The following DPP6 variants were observed in gnomAD, a reference collection of about 807,000 sequenced individuals.
DPP6 encodes the protein dipeptidyl peptidase like 6.
A neutral mutation model predicts 122.6 loss-of-function variants in DPP6; 69 were observed. The ratio of observed to expected loss-of-function variants is 0.56; its 90% CI spans 0.46 to 0.69. The LOEUF is 0.69. DPP6 is among the 30% of genes least tolerant of loss of function. DPP6 has a pLI of 0.00. For missense variants in DPP6, 928 were observed against 1,116.9 expected (o/e 0.83, Z 2.41); for synonymous variants, 418 against 433.1 (o/e 0.97, Z 0.43).
chr7:154,748,035 G>T (rs1386677299), intron 8 of DPP6, among the ~76,000 whole-genome samples: 1 of 152,260 alleles, frequency 6.6e-6, no homozygotes, highest in Non-Finnish European at 1.5e-5. Flanking sequence ...ACATCAGTTT[G>T]GTTTGCTTAC....
intron 10 of DPP6, among the ~76,000 whole-genome samples, chr7:154,782,150 G>T (rs1044343103): frequency 6.6e-6 from 1 of 152,100 alleles, no homozygotes; most frequent in Non-Finnish European, 1.5e-5. Flanking sequence ...ACCTAGAACC[G>T]TGTCTCCCAC....
At chr7:153,836,941 G>A in the DPP6 span, among the ~76,000 whole-genome samples, 40 of 152,174 alleles carry the variant, frequency 2.6e-4, no homozygotes, top group Non-Finnish European at 5.1e-4. Flanking sequence ...GCTCATAAGA[G>A]AGTGGCTGCT....
chr7:153,855,782 G>A, the DPP6 span, among the ~76,000 whole-genome samples: 8 of 152,146 alleles, frequency 5.3e-5, no homozygotes, highest in East Asian at 9.7e-4. Context: ...TGAGAGCTTA[G>A]AGTCTTCAGT....
intron 6 of DPP6, among the ~76,000 whole-genome samples, chr7:154,646,487 C>T (rs1836490829): frequency 6.7e-6 from 1 of 150,242 alleles, no homozygotes; most frequent in Non-Finnish European, 1.5e-5. Context: ...ATCCTTCTGA[C>T]CCTTCAAGCC....
At chr7:154,407,786 T>C (rs1816246558) in intron 1 of DPP6, among the ~76,000 whole-genome samples, 1 of 152,198 alleles carries the variant, frequency 6.6e-6, no homozygotes, top group African/African-American at 2.4e-5. Flanking sequence ...CAGCACTTCC[T>C]AATATACCGT....
intron 1 of DPP6, among the ~76,000 whole-genome samples, chr7:154,108,546 G>A (rs1352146302): frequency 2.0e-5 from 3 of 152,130 alleles, no homozygotes; most frequent in Non-Finnish European, 2.9e-5. Flanking sequence ...TGCCCCATGC[G>A]GTGCCTAGCA....
Position 154,052,859 on chromosome 7 carries a change from C to G in DPP6, c.39C>G (p.Asn13Lys). 6.5e-7 allele frequency: 1 copy of G among 1,539,268 alleles called. No individual in the cohort carries two copies. The highest frequency in any genetic ancestry group is 1.4e-5 in the African/African-American group (1 of 72,660). ...ACCAGAGGTTCACTGGCAAGATCAA[C>G]ACCTCGAGGTCCTTCCCCGCGCCCC... ...SLYQRFTGKI[N>K]TSRSFPAPPE... is the part of the protein sequence containing the mutation. Residue 13 changes from asparagine to lysine, a missense_variant, in exon 1 of 26, where the codon AAC (asparagine) becomes AAG (lysine). Coordinates refer to ENST00000377770, the MANE Select transcript of DPP6 (RefSeq NM_130797.4). This position sits in a 1 kb window ranked among gnomAD's most constrained non-coding sequence, Gnocchi z 4.8.
intron 3 of DPP6, among the ~76,000 whole-genome samples, chr7:154,477,671 T>C (rs10235541): frequency 0.38 from 57,115 of 152,078 alleles, 11,442 homozygotes; most frequent in African/African-American, 0.49. Flanking sequence ...ACTGGCTTTC[T>C]GGCCAGAGGA....
intron 17 of DPP6, among the ~76,000 whole-genome samples, chr7:154,855,038 G>A (rs1222285282): frequency 1.3e-5 from 2 of 152,014 alleles, no homozygotes; most frequent in African/African-American, 2.4e-5. Flanking sequence ...GAGCATCAGC[G>A]GCTCCCTGAT....
At chr7:154,812,391 A>G (rs1357395295) in intron 16 of DPP6, among the ~76,000 whole-genome samples, 3 of 152,188 alleles carry the variant, frequency 2.0e-5, no homozygotes, top group East Asian at 1.9e-4. Flanking sequence ...TTGGGCTGCT[A>G]TAGTGAAGTT....
In DPP6 at chr7:154,821,645, T is replaced by TATATATATATATAC. The variant is rs1362252192; in HGVS notation, c.1666+14534_1666+14535insTATATATATATACA. On this transcript the variant is annotated intron_variant, in intron 16 of 25. Coordinates refer to ENST00000377770, the MANE Select transcript of DPP6 (RefSeq NM_130797.4). This position sits in a 1 kb window ranked among gnomAD's most constrained non-coding sequence, Gnocchi z 4.2. ...TTTTTTCTGTATATATATATATATA[T>TATATATATATATAC]ACACATATATATATATATACACATA... Among the ~76,000 whole-genome samples, 275 of 115,148 alleles carry TATATATATATATAC rather than the reference T, an allele frequency of 2.4e-3. 2 individuals carry two copies. Among genetic ancestry groups the TATATATATATATAC allele is most frequent in the African/African-American group, 1.0e-2 (261 of 26,146 alleles). 75.5% of individuals were successfully genotyped at this position (115,148 alleles called of 152,430 possible).
At chr7:154,058,992 C>T (rs1166427213) in intron 1 of DPP6, 1 of 147,914 alleles carries the variant, frequency 6.8e-6, no homozygotes, top group Non-Finnish European at 1.5e-5. Flanking sequence ...GAGCCAGCCT[C>T]TGTTCCCCCA....
chr7:154,473,477 G>C (rs1822467359), intron 2 of DPP6, among the ~76,000 whole-genome samples: 1 of 152,152 alleles, frequency 6.6e-6, no homozygotes, highest in Non-Finnish European at 1.5e-5. Context: ...TGATATTCAA[G>C]AGATCAGTCA....
chr7:153,780,378 C>T, the DPP6 span, among the ~76,000 whole-genome samples: 4 of 151,984 alleles, frequency 2.6e-5, no homozygotes, highest in African/African-American at 9.7e-5. Flanking sequence ...AAAAACAAAT[C>T]GAATGGTTCC....
chr7:154,415,058 T>C (rs1029053158), intron 1 of DPP6, among the ~76,000 whole-genome samples: 5 of 152,198 alleles, frequency 3.3e-5, no homozygotes, highest in Non-Finnish European at 5.9e-5. Context: ...AAGCTCACCC[T>C]GGCCCATCTC....
chr7:154,885,197 A>C (rs1806043804), intron 21 of DPP6: 1 of 171,108 alleles, frequency 5.8e-6, no homozygotes, highest in African/African-American at 2.4e-5. Flanking sequence ...TGTGCTGAGC[A>C]TGTGCAGACC....
chr7:154,858,739 G>A lies in DPP6; in HGVS notation c.1714+4912G>A, dbSNP rs142341524. Among the ~76,000 whole-genome samples the A allele has an allele frequency of 3.2e-3, 489 of 152,330 alleles. 4 individuals are homozygous for A. Among genetic ancestry groups the A allele is most frequent in the African/African-American group, 0.011 (452 of 41,582 alleles). On this transcript the variant is annotated intron_variant, in intron 17 of 25. Transcript: ENST00000377770. Reference sequence around the variant, plus strand: ...TGCAGCAGCTCAGCCTCCATGTGCAGGCTGGGGTCATACTCCATGCACTGT... The same window carrying A: ...TGCAGCAGCTCAGCCTCCATGTGCAAGCTGGGGTCATACTCCATGCACTGT...
chr7:154,686,475 A>T lies in DPP6; in HGVS notation c.762+17034A>T, dbSNP rs1181183547. Reference sequence around the variant, plus strand: ...GTCTCCCGATACAGCATCTGGTGTAATTAATCCGACACCCTTATCTCTCCC... The same window carrying T: ...GTCTCCCGATACAGCATCTGGTGTATTTAATCCGACACCCTTATCTCTCCC... On this transcript the variant is annotated intron_variant, in intron 7 of 25. Coordinates refer to ENST00000377770, the MANE Select transcript of DPP6 (RefSeq NM_130797.4). 4.6e-5 allele frequency among the ~76,000 whole-genome samples: 7 copies of T among 151,824 alleles called. No homozygotes were observed. In the South Asian group the frequency reaches 1.3e-3, roughly 27 times the overall value.
In DPP6 at chr7:154,403,904, G is replaced by A. The variant is rs745621811; in HGVS notation, c.244-42310G>A. Reference sequence around the variant, plus strand: ...CTTTTCTAGAAAATTTGGAGCTGAAGTGCTCGGAAGGCCACTGATTTTAAG... The same window carrying A: ...CTTTTCTAGAAAATTTGGAGCTGAAATGCTCGGAAGGCCACTGATTTTAAG... On this transcript the variant is annotated intron_variant, in intron 1 of 25. Transcript: ENST00000377770. This position sits in a 1 kb window ranked among gnomAD's most constrained non-coding sequence, Gnocchi z 4.1. Among the ~76,000 whole-genome samples the A allele has an allele frequency of 4.6e-5, 7 of 152,186 alleles. No homozygotes were observed. Among genetic ancestry groups the A allele is most frequent in the Non-Finnish European group, 7.3e-5 (5 of 68,028 alleles).
Sources: allele counts gnomAD v4.1 joint callset (sites outside exome capture counted in the v4.1 genomes callset), GRCh38; gene constraint gnomAD v4.1.1; non-coding constraint Gnocchi (gnomAD v3.1); transcripts MANE v1.5; gene names NCBI Gene and HGNC (gene_info 2026-07-23, HGNC 2026-07-21).